DENND2C: variants seen among roughly 807,000 people sequenced by gnomAD.
DENND2C encodes the protein DENN domain-containing protein 2C.
DENND2C carries 72 observed loss-of-function variants against 112.4 expected under a neutral mutation model. That is an observed-to-expected ratio of 0.64 (90% CI 0.53 to 0.78). The LOEUF is 0.78. Ranked by LOEUF, DENND2C falls within the 30% of genes least tolerant of loss-of-function variation. The pLI is 0.00. For synonymous variants in DENND2C, 329 were observed against 381.6 expected, an observed-to-expected ratio of 0.86 and a Z score of 1.61; for missense variants, 992 against 1,113.8, an observed-to-expected ratio of 0.89 and a Z score of 1.56.
At chr1:114,643,879 A>G (rs140356918) in intron 3 of DENND2C, among the ~76,000 whole-genome samples, 1 of 152,358 alleles carries the variant, frequency 6.6e-6, no homozygotes, top group African/African-American at 2.4e-5. Context: ...ATTTTGAGGC[A>G]TAAGCCAAAG....
In DENND2C at chr1:114,608,845, T is replaced by C. The variant is rs1386951065; in HGVS notation, c.1398A>G (p.Gln466=). ...AGTGAGGATTCCTCTTGGAAGACGG[T>C]TGCAGTTGTGCTAAGCGTTTATGGC... is the stretch of plus-strand genomic sequence containing the variant. ...KNRHKRLAQL[Q]PSSKRNPHYQ... The change falls in exon 10 of 21, where the codon CAA becomes CAG. Residue 466 remains glutamine (Q), a synonymous_variant. Coordinates refer to ENST00000393274, the MANE Select transcript of DENND2C (RefSeq NM_001256404.2). The C allele has an allele frequency of 5.0e-6, 8 of 1,614,222 alleles. No homozygotes were observed. The highest frequency in any genetic ancestry group is 3.3e-5 in the South Asian group (3 of 91,088).
intron 3 of DENND2C, among the ~76,000 whole-genome samples, chr1:114,645,136 T>C (rs1656943454): frequency 6.6e-6 from 1 of 152,160 alleles, no homozygotes; most frequent in South Asian, 2.1e-4. Flanking sequence ...ATTCAAAGAT[T>C]TAGTCCAAAA....
At chr1:114,652,491 T>C (rs1212652014) in intron 2 of DENND2C, among the ~76,000 whole-genome samples, 1 of 152,024 alleles carries the variant, frequency 6.6e-6, no homozygotes, top group African/African-American at 2.4e-5. Context: ...GCAATCATTT[T>C]CTGACCATTT....
intron 4 of DENND2C, 132 bp from the exon 5 acceptor site, chr1:114,623,775 G>A: frequency 2.4e-6 from 2 of 821,842 alleles, no homozygotes; most frequent in Non-Finnish European, 3.5e-6. Flanking sequence ...TCAGTCTGTT[G>A]CATAGGCTAG....
chr1:114,600,802 C>G lies in DENND2C; in HGVS notation c.1956+18G>C, dbSNP rs1203826518. On this transcript the variant is annotated intron_variant, in intron 14 of 20. Transcript: ENST00000393274. ...GCTTTTTAGTGCTATCAAATCTTTT[C>G]AAAATGAGCTAACTTACCTCATCTC... 5.0e-6 allele frequency: 8 copies of G among 1,605,380 alleles called. No individual in the cohort carries two copies. Among genetic ancestry groups the G allele is most frequent in the Non-Finnish European group, 5.1e-6 (6 of 1,176,598 alleles).
intron 10 of DENND2C, 113 bp downstream of exon 10, chr1:114,608,573 A>G: frequency 8.4e-7 from 1 of 1,197,412 alleles, no homozygotes; most frequent in Non-Finnish European, 1.2e-6. Flanking sequence ...TCCTACCACA[A>G]GAACAGTATT....
At chr1:114,612,835 A>AT (rs1655860889) in intron 8 of DENND2C, among the ~76,000 whole-genome samples, 1 of 151,856 alleles carries the variant, frequency 6.6e-6, no homozygotes, top group African/African-American at 2.4e-5. Context: ...TAATTTTTGT[A>AT]TTTTTTGTAG....
In DENND2C at chr1:114,627,358, C is replaced by T. The variant is rs185365259; in HGVS notation, c.-204-1170G>A. 1.5e-3 allele frequency among the ~76,000 whole-genome samples: 224 copies of T among 152,296 alleles called. 1 individual carries two copies. The highest frequency in any genetic ancestry group is 5.1e-3 in the African/African-American group (210 of 41,568). On this transcript the variant is annotated intron_variant, in intron 3 of 20. Transcript: ENST00000393274. ...GAGGCAGGGATCATCCTTCCTTGAG[C>T]TTTGTCTGTGTGGCCTTGATTAACA...
chr1:114,632,805 A>C (rs1289534776), intron 3 of DENND2C, among the ~76,000 whole-genome samples: 1 of 152,166 alleles, frequency 6.6e-6, no homozygotes, highest in Non-Finnish European at 1.5e-5. Context: ...CAGAAATTTT[A>C]CACTTATCTG....
At chr1:114,600,411 A>G in intron 14 of DENND2C, 59 bp from the exon 15 acceptor site, 1 of 1,594,450 alleles carries the variant, frequency 6.3e-7, no homozygotes, top group Non-Finnish European at 8.6e-7. Context: ...CCTAGTGCCA[A>G]CGCTATGGAT....
At chr1:114,666,651 C>T (rs1385729045) in intron 1 of DENND2C, among the ~76,000 whole-genome samples, 2 of 152,172 alleles carry the variant, frequency 1.3e-5, no homozygotes, top group Admixed American at 6.5e-5. Context: ...GATGGGGTTT[C>T]GCCATGTTGA....
intron 6 of DENND2C, among the ~76,000 whole-genome samples, chr1:114,622,590 A>G (rs1475505424): frequency 6.6e-6 from 1 of 152,128 alleles, no homozygotes; most frequent in Non-Finnish European, 1.5e-5. Context: ...AAGGTAATCA[A>G]ATTCCCAGAA....
intron 3 of DENND2C, among the ~76,000 whole-genome samples, chr1:114,641,260 C>CA (rs11316853): frequency 1.6e-3 from 156 of 98,968 alleles, no homozygotes; most frequent in South Asian, 2.0e-3. Context: ...GATCCTTTCT[C>CA]AAAAAAAAAA....
chr1:114,618,054 T>C (rs1391454275), intron 8 of DENND2C, among the ~76,000 whole-genome samples: 1 of 152,004 alleles, frequency 6.6e-6, no homozygotes, highest in Non-Finnish European at 1.5e-5. Flanking sequence ...AGTGGTGCGA[T>C]TTCAGCTCAC....
chr1:114,629,785 A>G (rs754685153), intron 3 of DENND2C, among the ~76,000 whole-genome samples: 16 of 152,222 alleles, frequency 1.1e-4, no homozygotes, highest in Non-Finnish European at 2.1e-4. Flanking sequence ...AGAGAAACCA[A>G]TCTGAATTCA....
At chr1:114,632,926 T>C (rs887670847) in intron 3 of DENND2C, among the ~76,000 whole-genome samples, 1 of 152,106 alleles carries the variant, frequency 6.6e-6, no homozygotes, top group African/African-American at 2.4e-5. Flanking sequence ...CAGATAGATA[T>C]CTGGATCTAA....
intron 2 of DENND2C, among the ~76,000 whole-genome samples, chr1:114,649,939 TTC>T (rs1345877388): frequency 1.3e-5 from 2 of 152,242 alleles, no homozygotes; most frequent in South Asian, 4.1e-4. Context: ...TTGGTGTATC[TTC>T]TGTTTTTTAA....
intron 14 of DENND2C, 101 bp downstream of exon 14, chr1:114,600,719 A>C: frequency 7.2e-7 from 1 of 1,396,040 alleles, no homozygotes; most frequent in Non-Finnish European, 9.7e-7. Flanking sequence ...TTTACAGTTT[A>C]TGGAAAAGGG....
intron 7 of DENND2C, among the ~76,000 whole-genome samples, chr1:114,619,406 C>T (rs938484012): frequency 2.0e-5 from 3 of 152,114 alleles, no homozygotes; most frequent in African/African-American, 7.2e-5. Context: ...TGATAACAAC[C>T]AATAAAGTTG....
Sources: allele counts gnomAD v4.1 joint callset (sites outside exome capture counted in the v4.1 genomes callset), GRCh38; gene constraint gnomAD v4.1.1; transcripts MANE v1.5; gene names NCBI Gene and HGNC (gene_info 2026-07-23, HGNC 2026-07-21).